MYO9A: variants seen among roughly 807,000 people sequenced by gnomAD.
The protein encoded by MYO9A is unconventional myosin-IXa.
MYO9A carries 103 observed loss-of-function variants against 293.3 expected under a neutral mutation model. The observed-to-expected ratio is 0.35, with a 90% CI of 0.30 to 0.41. The LOEUF (loss-of-function observed/expected upper bound fraction) is 0.41. Among genes scored for constraint, MYO9A ranks in the 10% least tolerant of loss-of-function variants. The pLI is 1.00. For synonymous variants in MYO9A, 1,001 were observed against 1,035.7 expected, an observed-to-expected ratio of 0.97 and a Z score of 0.64; for missense variants, 2,685 against 3,033.0, an observed-to-expected ratio of 0.89 and a Z score of 2.69.
chr15:71,986,145 A>C (rs1283439839), intron 11 of MYO9A, among the ~76,000 whole-genome samples: 1 of 152,220 alleles, frequency 6.6e-6, no homozygotes, highest in African/African-American at 2.4e-5. Context: ...AAAAAATATA[A>C]ACTTAGAAAC....
At chr15:72,017,320 T>C (rs892672444) in intron 6 of MYO9A, among the ~76,000 whole-genome samples, 1 of 152,096 alleles carries the variant, frequency 6.6e-6, no homozygotes, top group Admixed American at 6.6e-5. Flanking sequence ...GCCCCCAAAT[T>C]CTTAAGTATT....
intron 39 of MYO9A, among the ~76,000 whole-genome samples, chr15:71,832,702 G>T (rs1416826620): frequency 6.6e-6 from 1 of 152,122 alleles, no homozygotes; most frequent in Admixed American, 6.5e-5. Flanking sequence ...TTGAAGGAAA[G>T]ATTGAAAATG....
At chr15:71,953,349 T>C (rs1423180760) in intron 14 of MYO9A, among the ~76,000 whole-genome samples, 3 of 152,356 alleles carry the variant, frequency 2.0e-5, no homozygotes, top group African/African-American at 4.8e-5. Context: ...AAACACCCAG[T>C]GAGTTCTAGT....
intron 9 of MYO9A, among the ~76,000 whole-genome samples, chr15:71,998,791 A>T (rs1339930486): frequency 1.3e-5 from 2 of 151,314 alleles, no homozygotes; most frequent in Non-Finnish European, 2.9e-5. Flanking sequence ...ATGTGTTCTC[A>T]TTGTTCAATT....
Position 71,851,270 on chromosome 15 carries a change from G to A in MYO9A, c.6564C>T (p.Leu2188=), listed in dbSNP as rs2055634891. The A allele has an allele frequency of 1.9e-6, 3 of 1,613,580 alleles. No homozygotes were observed. Among genetic ancestry groups the A allele is most frequent in the Non-Finnish European group, 2.5e-6 (3 of 1,179,646 alleles). Residue 2188 remains leucine, a synonymous_variant, in exon 37 of 42, where the codon CTC becomes CTT. Transcript: ENST00000356056. The stretch of plus-strand genomic sequence containing the variant: ...AAAGTTACCTGACTAGATGAAAGAT[G>A]AGGCGTTCCAGTGTATTGAGATGAG... The part of the protein sequence containing the change: ...SRTHLNTLER[L]IFHLVRIALQ...
intron 10 of MYO9A, among the ~76,000 whole-genome samples, chr15:71,994,018 G>C (rs757000548): frequency 2.9e-4 from 44 of 150,510 alleles, no homozygotes; most frequent in Admixed American, 1.7e-3. Context: ...TGTATACACA[G>C]GTAAGTAAAA....
intron 33 of MYO9A, among the ~76,000 whole-genome samples, chr15:71,861,695 A>C (rs1004794901): frequency 8.7e-5 from 13 of 149,172 alleles, no homozygotes; most frequent in Admixed American, 2.7e-4. Flanking sequence ...AAAAAAAAAA[A>C]AAAAAACAAA....
intron 1 of MYO9A, among the ~76,000 whole-genome samples, chr15:72,073,858 GC>G (rs1006722202): frequency 1.2e-4 from 18 of 152,140 alleles, no homozygotes; most frequent in African/African-American, 4.3e-4. Flanking sequence ...AACAGAAGTA[GC>G]TGTGTGACCT....
intron 1 of MYO9A, among the ~76,000 whole-genome samples, chr15:72,051,878 G>A (rs1596472844): frequency 6.6e-6 from 1 of 152,164 alleles, no homozygotes; most frequent in East Asian, 1.9e-4. Flanking sequence ...AAAGGAGGCA[G>A]GTCCCTGGTG....
Position 72,019,021 on chromosome 15 carries a change from T to G in MYO9A, c.1155+18A>C, listed in dbSNP as rs1318063952. 1.2e-6 allele frequency: 2 copies of G among 1,607,254 alleles called. No individual in the cohort carries two copies. The highest frequency in any genetic ancestry group is 2.7e-5 in the African/African-American group (2 of 74,736). On this transcript the variant is annotated intron_variant, in intron 6 of 41. Coordinates refer to ENST00000356056, the MANE Select transcript of MYO9A (RefSeq NM_006901.4). ...ACCCTTTGACAGAAACACAGAATATTTAGGTACTTGTACTGACCGGCTCAG... is the reference window on the plus strand; with the variant it reads ...ACCCTTTGACAGAAACACAGAATATGTAGGTACTTGTACTGACCGGCTCAG...
intron 5 of MYO9A, among the ~76,000 whole-genome samples, chr15:72,020,198 T>C (rs1158432367): frequency 1.3e-5 from 2 of 152,126 alleles, no homozygotes; most frequent in African/African-American, 4.8e-5. Context: ...CCTCCAACAA[T>C]GGAAAAATAA....
At chr15:71,952,494 T>C (rs1361975650) in intron 14 of MYO9A, among the ~76,000 whole-genome samples, 1 of 152,164 alleles carries the variant, frequency 6.6e-6, no homozygotes, top group East Asian at 1.9e-4. Context: ...GAAAATAGGA[T>C]AGAAATCAGC....
At chr15:72,018,327 G>C (rs1293284546) in intron 6 of MYO9A, among the ~76,000 whole-genome samples, 2 of 152,038 alleles carry the variant, frequency 1.3e-5, no homozygotes, top group Non-Finnish European at 2.9e-5. Flanking sequence ...AATCAACCGG[G>C]CATGGTGGCG....
rs1335733829 is a variant in MYO9A at position 71,824,659 on chromosome 15, T to TATTTA, written c.*1916_*1920dup. ...ATTCAGATTTTTAAAAGCTTAACAT[T>TATTTA]ATTTATTACTCCTCAGGACAAGATG... On this transcript the variant is annotated 3_prime_UTR_variant, in exon 42 of 42. Transcript: ENST00000356056. 2 of 152,230 alleles carry TATTTA rather than the reference T, an allele frequency of 1.3e-5. No homozygotes were observed. Among genetic ancestry groups the TATTTA allele is most frequent in the African/African-American group, 4.8e-5 (2 of 41,450 alleles). 9.4% of individuals were successfully genotyped at this position (152,230 alleles called of 1,614,324 possible). A position where few individuals can be genotyped will look rare whatever the true frequency, so the allele number is the denominator to read the frequency against.
intron 10 of MYO9A, among the ~76,000 whole-genome samples, chr15:71,994,110 A>G (rs918387809): frequency 6.6e-6 from 1 of 152,178 alleles, no homozygotes. Flanking sequence ...ATCTTACTAT[A>G]TATTTATAAC....
chr15:71,829,467 A>T (rs1259247907), intron 40 of MYO9A, among the ~76,000 whole-genome samples: 1 of 151,862 alleles, frequency 6.6e-6, no homozygotes, highest in East Asian at 1.9e-4. Context: ...CCCAAGGCAT[A>T]CTGTCACCCA....
intron 26 of MYO9A, chr15:71,891,091 T>C (rs2057163346): frequency 6.6e-6 from 1 of 152,126 alleles, no homozygotes; most frequent in Admixed American, 6.5e-5. Flanking sequence ...GGTAAGTAAC[T>C]ATCCACATAT....
intron 1 of MYO9A, among the ~76,000 whole-genome samples, chr15:72,087,444 G>A (rs548984841): frequency 2.6e-5 from 4 of 152,168 alleles, no homozygotes; most frequent in African/African-American, 4.8e-5. Context: ...CTGCCAACTC[G>A]AGTGTCCATG....
At position 71,935,324 on chromosome 15, in the gene MYO9A, T is replaced by A; in HGVS notation, c.2522+17A>T. ...ACAAAAAACAAAAAACAATTTACATTACTGATTAGTACTGACGTGAGAATT... is the reference window on the plus strand; with the variant it reads ...ACAAAAAACAAAAAACAATTTACATAACTGATTAGTACTGACGTGAGAATT... On this transcript the variant is annotated intron_variant, in intron 17 of 41. Transcript: ENST00000356056. The A allele has an allele frequency of 6.4e-7, 1 of 1,563,208 alleles. No individual in the cohort carries two copies. Among genetic ancestry groups the A allele is most frequent in the South Asian group, 1.2e-5 (1 of 81,538 alleles).
Sources: allele counts gnomAD v4.1 joint callset (sites outside exome capture counted in the v4.1 genomes callset), GRCh38; gene constraint gnomAD v4.1.1; transcripts MANE v1.5; gene names NCBI Gene and HGNC (gene_info 2026-07-23, HGNC 2026-07-21).